KLHL1: variants seen among roughly 807,000 people sequenced by gnomAD.
KLHL1 encodes kelch like family member 1, also known as kelch-like protein 1.
Under a neutral mutation model 77.7 loss-of-function variants are expected in KLHL1, and 47 were observed. The observed-to-expected ratio is 0.60, with a 90% CI of 0.48 to 0.77. The LOEUF is 0.77. Among genes scored for constraint, KLHL1 ranks in the 30% least tolerant of loss-of-function variants. The pLI, the probability that KLHL1 is intolerant of heterozygous loss-of-function variation, is 0.00. For missense variants in KLHL1, 925 were observed against 910.8 expected, an observed-to-expected ratio of 1.02 and a Z score of -0.20; for synonymous variants, 360 against 325.2, an observed-to-expected ratio of 1.11 and a Z score of -1.15.
chr13:69,924,062 G>T (rs1169400316), intron 4 of KLHL1, among the ~76,000 whole-genome samples: 3 of 152,346 alleles, frequency 2.0e-5, no homozygotes, highest in Non-Finnish European at 4.4e-5. Flanking sequence ...CAGCAGTGCT[G>T]ACATGCCAAC....
intron 4 of KLHL1, among the ~76,000 whole-genome samples, chr13:69,939,619 G>A (rs949013297): frequency 1.3e-5 from 2 of 151,830 alleles, no homozygotes; most frequent in Non-Finnish European, 2.9e-5. Flanking sequence ...CTATCAATAT[G>A]TATATCTGTA....
intron 7 of KLHL1, among the ~76,000 whole-genome samples, chr13:69,768,838 G>A (rs1875434342): frequency 6.6e-6 from 1 of 152,054 alleles, no homozygotes; most frequent in Non-Finnish European, 1.5e-5. Context: ...AAATTTAGGT[G>A]CTTACAGAAA....
chr13:69,707,424 C>T (rs900843587), intron 10 of KLHL1, among the ~76,000 whole-genome samples: 1 of 151,894 alleles, frequency 6.6e-6, no homozygotes, highest in Admixed American at 6.6e-5. Flanking sequence ...TTTTAATATA[C>T]ATTTTATTGG....
chr13:70,082,988 G>A (rs547507791), intron 1 of KLHL1, among the ~76,000 whole-genome samples: 2 of 151,960 alleles, frequency 1.3e-5, no homozygotes, highest in Non-Finnish European at 2.9e-5. Flanking sequence ...GGAAGGAGGG[G>A]CCCAGGGTTG....
chr13:69,916,509 A>G (rs1882443855), intron 4 of KLHL1, among the ~76,000 whole-genome samples: 4 of 151,672 alleles, frequency 2.6e-5, no homozygotes, highest in African/African-American at 2.4e-5. Context: ...CAAACACCAC[A>G]TGTTCTCACT....
intron 1 of KLHL1, among the ~76,000 whole-genome samples, chr13:70,065,924 T>A (rs1488573054): frequency 6.6e-6 from 1 of 152,030 alleles, no homozygotes; most frequent in African/African-American, 2.4e-5. Flanking sequence ...TAAGCATATA[T>A]CAAGTCCTAT....
At chr13:70,022,448 A>G (rs7995761) in intron 1 of KLHL1, among the ~76,000 whole-genome samples, 128,951 of 151,760 alleles carry the variant, frequency 0.85, 55,157 homozygotes, top group East Asian at 0.92. Context: ...ACATCAAAAT[A>G]TTCTGTGGCA....
At chr13:69,712,760 GTT>G (rs67612326) in intron 9 of KLHL1, among the ~76,000 whole-genome samples, 131 of 127,244 alleles carry the variant, frequency 1.0e-3, no homozygotes, top group South Asian at 3.2e-3. Context: ...TTTGTTTTTT[GTT>G]TTTTTTTTTT....
At chr13:69,946,299 A>G (rs930568010) in intron 3 of KLHL1, among the ~76,000 whole-genome samples, 1 of 151,942 alleles carries the variant, frequency 6.6e-6, no homozygotes, top group Admixed American at 6.6e-5. Context: ...CAAATTATAC[A>G]TTTTGTATAT....
At chr13:70,058,255 A>G (rs950549222) in intron 1 of KLHL1, among the ~76,000 whole-genome samples, 16 of 152,224 alleles carry the variant, frequency 1.1e-4, no homozygotes, top group Admixed American at 2.0e-4. Flanking sequence ...CAGACAATAA[A>G]GAATATGCAA....
chr13:69,820,510 A>T (rs2138076987), intron 6 of KLHL1, among the ~76,000 whole-genome samples: 1 of 152,332 alleles, frequency 6.6e-6, no homozygotes, highest in South Asian at 2.1e-4. Context: ...ACAAAAAAAT[A>T]AAAAGGATAA....
At chr13:69,842,795 T>A in intron 5 of KLHL1, among the ~76,000 whole-genome samples, 1 of 151,806 alleles carries the variant, frequency 6.6e-6, no homozygotes, top group East Asian at 1.9e-4. Context: ...TACGTGCCCA[T>A]CAATGGGTTA....
intron 1 of KLHL1, among the ~76,000 whole-genome samples, chr13:70,092,123 C>A (rs1224497841): frequency 2.6e-5 from 4 of 152,136 alleles, no homozygotes; most frequent in Admixed American, 6.6e-5. Context: ...GAGAAATAAA[C>A]CAGCTGGCAC....
At chr13:70,025,699 A>G (rs138935638) in intron 1 of KLHL1, among the ~76,000 whole-genome samples, 2 of 151,066 alleles carry the variant, frequency 1.3e-5, no homozygotes, top group Non-Finnish European at 3.0e-5. Flanking sequence ...TATTATATAT[A>G]GTATACATAT....
At chr13:70,021,481 T>C (rs1885792595) in intron 1 of KLHL1, among the ~76,000 whole-genome samples, 1 of 152,114 alleles carries the variant, frequency 6.6e-6, no homozygotes, top group African/African-American at 2.4e-5. Flanking sequence ...ATACCTATGC[T>C]GGTTCTTGTG....
At chr13:69,993,299 A>G (rs1251949602) in intron 1 of KLHL1, among the ~76,000 whole-genome samples, 1 of 152,016 alleles carries the variant, frequency 6.6e-6, no homozygotes, top group African/African-American at 2.4e-5. Flanking sequence ...TTTATATAGC[A>G]TTTTCACTTA....
At chr13:69,868,742 T>C (rs887132633) in intron 5 of KLHL1, among the ~76,000 whole-genome samples, 1 of 152,152 alleles carries the variant, frequency 6.6e-6, no homozygotes, top group South Asian at 2.1e-4. Flanking sequence ...TGAAAGCTTG[T>C]TCTCACACAT....
At chr13:69,751,750 T>C (rs879754830) in intron 7 of KLHL1, among the ~76,000 whole-genome samples, 4 of 152,128 alleles carry the variant, frequency 2.6e-5, no homozygotes, top group Admixed American at 2.0e-4. Context: ...TGTATCTGCC[T>C]GTATTTTTCA....
At chr13:70,057,248 C>T (rs1252935274) in intron 1 of KLHL1, among the ~76,000 whole-genome samples, 2 of 152,066 alleles carry the variant, frequency 1.3e-5, no homozygotes, top group South Asian at 2.1e-4. Context: ...AATCCAAAAC[C>T]TCAACAGACC....
Sources: gnomAD v4.1 joint callset for allele counts (sites outside exome capture counted in the v4.1 genomes callset) on GRCh38, gnomAD v4.1.1 for gene constraint, MANE v1.5 for transcripts, NCBI Gene and HGNC (gene_info 2026-07-23, HGNC 2026-07-21) for gene names.